Variants in UBR3 observed in about 807,000 individuals in gnomAD.
UBR3 encodes the protein E3 ubiquitin-protein ligase UBR3.
A neutral mutation model predicts 243.2 loss-of-function variants in UBR3; 85 were observed. That is an observed-to-expected ratio of 0.35 (90% CI 0.29 to 0.42). The LOEUF (loss-of-function observed/expected upper bound fraction) is 0.42, where lower values mean the gene tolerates loss of function less well. Ranked by LOEUF, UBR3 falls within the 10% of genes least tolerant of loss-of-function variation. The pLI, the probability that UBR3 is intolerant of heterozygous loss-of-function variation, is 1.00. For missense variants in UBR3, 1,686 were observed against 2,300.8 expected (o/e 0.73, Z 5.47); for synonymous variants, 748 against 799.8 (o/e 0.94, Z 1.09).
At chr2:169,890,525 G>GGAGAGAGA (rs781214598) in intron 5 of UBR3, among the ~76,000 whole-genome samples, 8 of 67,874 alleles carry the variant, frequency 1.2e-4, no homozygotes, top group Admixed American at 5.1e-4. Context: ...GGTTTTTCTA[G>GGAGAGAGA]GAGAGAGAGA....
chr2:169,968,417 A>C (rs2087927527), intron 24 of UBR3, among the ~76,000 whole-genome samples: 1 of 152,126 alleles, frequency 6.6e-6, no homozygotes, highest in African/African-American at 2.4e-5. Flanking sequence ...TTCACTTTTT[A>C]AATTCCCACA....
chr2:169,958,294 T>C lies in UBR3; in HGVS notation c.3546-144T>C, dbSNP rs984553184. The stretch of plus-strand genomic sequence containing the variant: ...AATCCTTTTAAGGACAATCAAGTAT[T>C]AGAAGAAATTTAATACATAATACAG... On this transcript the variant is annotated intron_variant, in intron 23 of 38. Transcript: ENST00000272793. 1.5e-5 allele frequency: 8 copies of C among 542,308 alleles called. No individual in the cohort carries two copies. In the African/African-American group the frequency reaches 1.5e-4, roughly 10 times the overall value. 33.6% of individuals were successfully genotyped at this position (542,308 alleles called of 1,614,324 possible).
chr2:169,861,332 G>A (rs1328387880), intron 1 of UBR3, among the ~76,000 whole-genome samples: 2 of 152,162 alleles, frequency 1.3e-5, no homozygotes, highest in African/African-American at 2.4e-5. Context: ...AATGCCGGCT[G>A]GGTGTGGTGG....
intron 19 of UBR3, among the ~76,000 whole-genome samples, chr2:169,933,747 T>C (rs1369936894): frequency 6.6e-6 from 1 of 152,198 alleles, no homozygotes; most frequent in Admixed American, 6.5e-5. Flanking sequence ...ACTATCAAAG[T>C]GAAACTTCTC....
At chr2:169,924,548 G>A (rs1194367873) in intron 13 of UBR3, among the ~76,000 whole-genome samples, 1 of 152,096 alleles carries the variant, frequency 6.6e-6, no homozygotes, top group East Asian at 1.9e-4. Context: ...TATAGTGAGA[G>A]GAGAAAGAGG....
At chr2:169,992,437 G>T (rs1262201924) in intron 25 of UBR3, among the ~76,000 whole-genome samples, 2 of 152,142 alleles carry the variant, frequency 1.3e-5, no homozygotes, top group African/African-American at 4.8e-5. Flanking sequence ...TGATACCAAA[G>T]CCAGATAAAC....
chr2:170,062,774 T>C (rs1173520501), intron 35 of UBR3, among the ~76,000 whole-genome samples: 2 of 152,182 alleles, frequency 1.3e-5, no homozygotes, highest in African/African-American at 4.8e-5. Flanking sequence ...TTTTTGCCCA[T>C]AAGTTGGAAA....
intron 14 of UBR3, 148 bp from the exon 15 acceptor site, chr2:169,926,544 G>T: frequency 2.7e-6 from 2 of 750,694 alleles, no homozygotes; most frequent in Non-Finnish European, 4.2e-6. Flanking sequence ...GCAGTGAGCT[G>T]AGGTTGCACC....
chr2:169,949,882 C>T lies in UBR3; in HGVS notation c.3362C>T (p.Pro1121Leu), dbSNP rs375470733. The part of the protein sequence containing the change: ...WLDDIEILIQ[P>L]EIPKYSHGDG... ...GATGACATAGAAATTTTAATCCAACCAGAAATTCCTAAATACAGTCATGGA... is the reference window on the plus strand; with the variant it reads ...GATGACATAGAAATTTTAATCCAACTAGAAATTCCTAAATACAGTCATGGA... The change falls in exon 23 of 39, where the codon CCA becomes CTA. Residue 1121 changes from proline (P) to leucine (L), a missense_variant. Physicochemically the swap from Pro to Leu is moderately conservative, Grantham distance 98. Coordinates refer to ENST00000272793, the MANE Select transcript of UBR3 (RefSeq NM_172070.4). 2 of 1,608,084 alleles carry T rather than the reference C, an allele frequency of 1.2e-6. No individual in the cohort carries two copies. The highest frequency in any genetic ancestry group is 2.7e-5 in the African/African-American group (2 of 74,812).
intron 24 of UBR3, among the ~76,000 whole-genome samples, chr2:169,977,798 C>T (rs1378699174): frequency 1.3e-5 from 2 of 152,234 alleles, no homozygotes; most frequent in Non-Finnish European, 2.9e-5. Context: ...GCCATCTAGG[C>T]ATCCCTCAAT....
intron 5 of UBR3, among the ~76,000 whole-genome samples, chr2:169,883,217 G>A (rs1482600167): frequency 6.6e-6 from 1 of 152,192 alleles, no homozygotes; most frequent in East Asian, 1.9e-4. Flanking sequence ...ACACTGAGAC[G>A]GAGATCTAAG....
chr2:169,872,179 A>T, intron 1 of UBR3, 57 bp from the exon 2 acceptor site: 1 of 1,196,002 alleles, frequency 8.4e-7, no homozygotes, highest in Non-Finnish European at 1.1e-6. Context: ...AAATAGAAAT[A>T]ATATATTTTT....
intron 5 of UBR3, among the ~76,000 whole-genome samples, chr2:169,881,778 AATATAT>A (rs1226161442): frequency 2.9e-5 from 4 of 139,622 alleles, no homozygotes. Flanking sequence ...TATATAATAT[AATATAT>A]ATGTATATTT....
At chr2:170,070,717 A>T (rs1045484632) in intron 35 of UBR3, among the ~76,000 whole-genome samples, 12 of 152,172 alleles carry the variant, frequency 7.9e-5, no homozygotes, top group Admixed American at 6.6e-4. Flanking sequence ...TAATAACATA[A>T]TTCAAATTAC....
chr2:169,881,799 T>A (rs1270305696), intron 5 of UBR3, among the ~76,000 whole-genome samples: 1 of 138,488 alleles, frequency 7.2e-6, no homozygotes, highest in Non-Finnish European at 1.5e-5. Flanking sequence ...ATATTTATAT[T>A]TATGTTATAA....
chr2:170,074,622 C>A (rs1400280845), intron 36 of UBR3, among the ~76,000 whole-genome samples: 1 of 152,164 alleles, frequency 6.6e-6, no homozygotes, highest in Non-Finnish European at 1.5e-5. Flanking sequence ...ACTAAAGCAA[C>A]CTTCCTACCC....
intron 1 of UBR3, among the ~76,000 whole-genome samples, chr2:169,871,953 TA>T (rs2105309812): frequency 6.6e-6 from 1 of 152,190 alleles, no homozygotes; most frequent in African/African-American, 2.4e-5. Context: ...CTGAAAGTAA[TA>T]AATTTCAGTT....
rs2084319898 is a variant in UBR3 at position 169,890,567 on chromosome 2, G to GTATATATATATGTATATATATGTGTA, written c.1039-587_1039-586insGTATATATATGTGTATATATATATAT. On this transcript the variant is annotated intron_variant, in intron 5 of 38. Coordinates refer to ENST00000272793, the MANE Select transcript of UBR3 (RefSeq NM_172070.4). ...TATATATATATATATATATATATGT[G>GTATATATATATGTATATATATGTGTA]TATATATATATATGTATATATATAT... Among the ~76,000 whole-genome samples, 5 of 59,540 alleles carry GTATATATATATGTATATATATGTGTA rather than the reference G, an allele frequency of 8.4e-5. No homozygotes were observed. The South Asian group carries it at 2.7e-3, about 32-fold the overall frequency. 39.1% of individuals were successfully genotyped at this position (59,540 alleles called of 152,430 possible). A position where few individuals can be genotyped will look rare whatever the true frequency, so the allele number is the denominator to read the frequency against.
intron 33 of UBR3, among the ~76,000 whole-genome samples, chr2:170,059,950 C>T (rs900879044): frequency 6.6e-6 from 1 of 152,082 alleles, no homozygotes; most frequent in African/African-American, 2.4e-5. Flanking sequence ...AAATAAAAAG[C>T]ATAGTTCATG....
Sources: gnomAD v4.1 joint callset for allele counts (sites outside exome capture counted in the v4.1 genomes callset) on GRCh38, gnomAD v4.1.1 for gene constraint, MANE v1.5 for transcripts, NCBI Gene and HGNC (gene_info 2026-07-23, HGNC 2026-07-21) for gene names.